The following ZBTB46 variants were observed in gnomAD, a reference collection of about 807,000 sequenced individuals.
ZBTB46 encodes the protein zinc finger and BTB domain containing 46, also known as zinc finger and BTB domain-containing protein 46.
In ZBTB46, 8 loss-of-function variants were observed where a neutral mutation model predicts 44.1. The observed-to-expected ratio is 0.18, with a 90% CI of 0.11 to 0.33. ZBTB46 has a LOEUF of 0.33. Ranked by LOEUF, ZBTB46 falls within the 10% of genes least tolerant of loss-of-function variation. The pLI, the probability that ZBTB46 is intolerant of heterozygous loss-of-function variation, is 1.00. For synonymous variants in ZBTB46, 409 were observed against 382.3 expected (o/e 1.07, Z -0.81); for missense variants, 651 against 847.7 (o/e 0.77, Z 2.88).
chr20:63,810,914 C>T (rs1313653479), intron 1 of ZBTB46, among the ~76,000 whole-genome samples: 1 of 152,222 alleles, frequency 6.6e-6, no homozygotes, highest in Non-Finnish European at 1.5e-5. Flanking sequence ...GGAGCTCCAG[C>T]AGCAGAGCCG....
chr20:63,822,648 C>A (rs1479071356), intron 1 of ZBTB46, among the ~76,000 whole-genome samples: 2 of 152,120 alleles, frequency 1.3e-5, no homozygotes, highest in African/African-American at 2.4e-5. Flanking sequence ...ACTGACCACA[C>A]GGCGAGCACA....
intron 4 of ZBTB46, among the ~76,000 whole-genome samples, chr20:63,751,638 A>G (rs4809332): frequency 0.55 from 62,955 of 114,106 alleles, 17,249 homozygotes; most frequent in South Asian, 0.71. Flanking sequence ...GTCTCCCCAT[A>G]AAGCCCCGCC....
intron 3 of ZBTB46, among the ~76,000 whole-genome samples, chr20:63,754,361 G>A (rs187669869): frequency 1.1e-3 from 164 of 152,256 alleles, no homozygotes; most frequent in African/African-American, 3.7e-3. Context: ...CCTGGTTCTC[G>A]CATTATCACA....
chr20:63,790,798 G>A lies in ZBTB46; in HGVS notation c.-33-8C>T, dbSNP rs906310642. ...TCGCCTCTTCTACAGACTCTGTGGA[G>A]GTAAGAACAAGAGTTACCCAAGCTC... is the stretch of plus-strand genomic sequence containing the variant. On this transcript the variant is annotated splice_polypyrimidine_tract_variant and splice_region_variant and intron_variant, in intron 1 of 4. Transcript: ENST00000245663. 15 of 1,540,760 alleles carry A rather than the reference G, an allele frequency of 9.7e-6. No individual in the cohort carries two copies. The highest frequency in any genetic ancestry group is 1.4e-5 in the African/African-American group (1 of 73,526).
chr20:63,802,671 A>C (rs1217689300), intron 1 of ZBTB46, among the ~76,000 whole-genome samples: 26 of 61,406 alleles, frequency 4.2e-4, no homozygotes, highest in South Asian at 5.8e-4. Context: ...GACCCCCAGC[A>C]CCCTCCCAGG....
At chr20:63,816,125 GGC>G (rs1267354537) in intron 1 of ZBTB46, among the ~76,000 whole-genome samples, 3 of 146,466 alleles carry the variant, frequency 2.0e-5, no homozygotes, top group East Asian at 4.5e-4. Context: ...GGCGCAGGTG[GGC>G]GCAGGTGCAG....
rs953233440 is a variant in ZBTB46 at position 63,775,311 on chromosome 20, G to C, written c.1222+367C>G. The C allele has an allele frequency of 2.9e-5, 6 of 207,206 alleles. No homozygotes were observed. The East Asian group carries it at 3.2e-4, about 11-fold the overall frequency. The allele number at this position is 207,206 out of a possible 1,614,324, so 12.8% of individuals were successfully genotyped here. On this transcript the variant is annotated intron_variant, in intron 3 of 4. Coordinates refer to ENST00000245663, the MANE Select transcript of ZBTB46 (RefSeq NM_001369741.1). ...AGCCTCAGCACGAAGGCGACAGAGG[G>C]GCCGGCAGGGGGCGCCCGAGCCCGT... is the stretch of plus-strand genomic sequence containing the variant.
At chr20:63,777,917 G>A (rs2092438700) in intron 2 of ZBTB46, among the ~76,000 whole-genome samples, 2 of 152,192 alleles carry the variant, frequency 1.3e-5, no homozygotes, top group African/African-American at 4.8e-5. Flanking sequence ...CTTGAAAACT[G>A]CTGAGTGAAC....
intron 2 of ZBTB46, among the ~76,000 whole-genome samples, chr20:63,786,801 C>T (rs1035707354): frequency 5.3e-5 from 8 of 152,242 alleles, no homozygotes; most frequent in Non-Finnish European, 7.4e-5. Context: ...TGAGCCACCC[C>T]GCCCGGCCTC....
chr20:63,798,062 G>A (rs1256818288), intron 1 of ZBTB46, among the ~76,000 whole-genome samples: 1 of 152,196 alleles, frequency 6.6e-6, no homozygotes, highest in East Asian at 1.9e-4. Flanking sequence ...TAGACATGAA[G>A]TCCTTGCCCA....
intron 1 of ZBTB46, among the ~76,000 whole-genome samples, chr20:63,829,470 G>A (rs2092836617): frequency 6.6e-6 from 1 of 152,238 alleles, no homozygotes; most frequent in Admixed American, 6.5e-5. Flanking sequence ...CACGCCCCAA[G>A]GAGAAATCTG....
intron 2 of ZBTB46, among the ~76,000 whole-genome samples, chr20:63,780,340 C>G (rs1195810347): frequency 6.6e-6 from 1 of 151,912 alleles, no homozygotes; most frequent in African/African-American, 2.4e-5. Flanking sequence ...CAAGGTAACT[C>G]AATGGATAAA....
At chr20:63,823,501 A>AAATAAATAAATAAAT (rs1568910182) in intron 1 of ZBTB46, among the ~76,000 whole-genome samples, 4 of 150,938 alleles carry the variant, frequency 2.7e-5, no homozygotes, top group African/African-American at 9.8e-5. Flanking sequence ...CTGTCTCAAA[A>AAATAAATAAATAAAT]AAATAAATAA....
chr20:63,776,978 C>T (rs1187533848), intron 2 of ZBTB46, among the ~76,000 whole-genome samples: 1 of 152,038 alleles, frequency 6.6e-6, no homozygotes, highest in East Asian at 1.9e-4. Flanking sequence ...AAACGCAAAA[C>T]ACAACACGAT....
In ZBTB46 at chr20:63,803,975, A is replaced by G. The variant is rs555358285; in HGVS notation, c.-33-13185T>C. Among the ~76,000 whole-genome samples, 1 of 152,306 alleles carries G rather than the reference A, an allele frequency of 6.6e-6. No homozygotes were observed. The highest frequency in any genetic ancestry group is 2.4e-5 in the African/African-American group (1 of 41,578). On this transcript the variant is annotated intron_variant, in intron 1 of 4. Coordinates refer to ENST00000245663, the MANE Select transcript of ZBTB46 (RefSeq NM_001369741.1). The surrounding 1 kb of genome is among the most constrained non-coding windows in gnomAD (Gnocchi z 4.0). The stretch of plus-strand genomic sequence containing the variant: ...TGGCTTCTCAAAGCGCTGGGATGAT[A>G]GGCGTGAGCCACTGCACCGACATAA...
chr20:63,793,277 G>A (rs920389187), intron 1 of ZBTB46, among the ~76,000 whole-genome samples: 1 of 152,246 alleles, frequency 6.6e-6, no homozygotes, highest in African/African-American at 2.4e-5. Context: ...GGAGCAGGCT[G>A]TGGGGAGGGG....
At chr20:63,808,359 C>G (rs1408562627) in intron 1 of ZBTB46, among the ~76,000 whole-genome samples, 1 of 152,164 alleles carries the variant, frequency 6.6e-6, no homozygotes, top group Non-Finnish European at 1.5e-5. Context: ...AGGGGAGGGC[C>G]CGGAAGGCAG....
intron 1 of ZBTB46, among the ~76,000 whole-genome samples, chr20:63,816,854 C>T (rs1024715752): frequency 2.0e-5 from 3 of 152,192 alleles, no homozygotes; most frequent in African/African-American, 4.8e-5. Flanking sequence ...CCTGTAATCC[C>T]AGCACTTTGG....
intron 1 of ZBTB46, among the ~76,000 whole-genome samples, chr20:63,804,049 C>T (rs1568889154): frequency 6.6e-6 from 1 of 152,256 alleles, no homozygotes; most frequent in South Asian, 2.1e-4. Context: ...AGCACGCTTC[C>T]CCTTTCCAAA....
Sources: gnomAD v4.1 joint callset for allele counts (sites outside exome capture counted in the v4.1 genomes callset) on GRCh38, gnomAD v4.1.1 for gene constraint, Gnocchi (gnomAD v3.1) non-coding constraint, MANE v1.5 for transcripts, NCBI Gene and HGNC (gene_info 2026-07-23, HGNC 2026-07-21) for gene names.